Variants in CERS5 observed in about 807,000 individuals in gnomAD.
CERS5 encodes ceramide synthase 5.
Under a neutral mutation model 58.9 loss-of-function variants are expected in CERS5, and 37 were observed. That is an observed-to-expected ratio of 0.63 (90% CI 0.48 to 0.83). CERS5 has a LOEUF of 0.83. CERS5 is among the 40% of genes least tolerant of loss of function. The pLI, the probability that CERS5 is intolerant of heterozygous loss-of-function variation, is 0.00. For missense variants in CERS5, 398 were observed against 489.3 expected (o/e 0.81, Z 1.76); for synonymous variants, 147 against 177.8 (o/e 0.83, Z 1.38).
chr12:50,144,454 C>A, intron 1 of CERS5: 1 of 280,090 alleles, frequency 3.6e-6, no homozygotes, highest in Non-Finnish European at 6.7e-6. Context: ...GTAAGTAATT[C>A]AGTGAGATAA....
intron 3 of CERS5, among the ~76,000 whole-genome samples, chr12:50,142,351 G>A (rs1952015684): frequency 6.6e-6 from 1 of 152,044 alleles, no homozygotes; most frequent in Non-Finnish European, 1.5e-5. Context: ...TCAAGAGATC[G>A]AGACTATCCT....
At chr12:50,133,189 A>C in intron 9 of CERS5, 2 of 1,194,108 alleles carry the variant, frequency 1.7e-6, no homozygotes, top group South Asian at 3.1e-5. Flanking sequence ...GAGATCATCA[A>C]TATCTAGGCC....
intron 1 of CERS5, among the ~76,000 whole-genome samples, chr12:50,151,235 A>C (rs1166936341): frequency 6.6e-6 from 1 of 152,082 alleles, no homozygotes; most frequent in Admixed American, 6.6e-5. Flanking sequence ...GTTCTTGCCA[A>C]AGTTGTCAAT....
In CERS5 at chr12:50,167,310, C is replaced by T. The variant is rs900655896; in HGVS notation, c.-13G>A. Reference sequence around the variant, plus strand: ...CTGCTGTCGCCATCTTACGCCCACCCCGAAGCCACCGCCGCCACAAGCGTC... The same window carrying T: ...CTGCTGTCGCCATCTTACGCCCACCTCGAAGCCACCGCCGCCACAAGCGTC... On this transcript the variant is annotated 5_prime_UTR_variant, in exon 1 of 10. Coordinates refer to ENST00000317551, the MANE Select transcript of CERS5 (RefSeq NM_147190.5). The T allele has an allele frequency of 1.4e-6, 2 of 1,472,606 alleles. No homozygotes were observed. Among genetic ancestry groups the T allele is most frequent in the Non-Finnish European group, 8.9e-7 (1 of 1,118,816 alleles). The allele number at this position is 1,472,606 out of a possible 1,614,324, so 91.2% of individuals were successfully genotyped here. A position where few individuals can be genotyped will look rare whatever the true frequency, so the allele number is the denominator to read the frequency against.
intron 9 of CERS5, chr12:50,133,424 T>C: frequency 9.9e-7 from 1 of 1,006,860 alleles, no homozygotes; most frequent in Non-Finnish European, 1.2e-6. Context: ...CTTAGGACAC[T>C]TGCCTCATAC....
chr12:50,158,299 A>G (rs948224746), intron 1 of CERS5, among the ~76,000 whole-genome samples: 1 of 152,178 alleles, frequency 6.6e-6, no homozygotes, highest in Non-Finnish European at 1.5e-5. Context: ...AAATAGAAAC[A>G]CAAACACACA....
intron 9 of CERS5, among the ~76,000 whole-genome samples, chr12:50,131,606 C>A (rs1447918938): frequency 6.7e-6 from 1 of 150,294 alleles, no homozygotes; most frequent in Admixed American, 6.6e-5. Context: ...TCAGCATCCC[C>A]AAGATACACA....
intron 1 of CERS5, chr12:50,154,079 G>A (rs1938298819): frequency 8.0e-6 from 2 of 250,640 alleles, no homozygotes; most frequent in Admixed American, 5.7e-5. Context: ...GCTACTTGTG[G>A]CTGGGCGTGG....
At chr12:50,130,742 G>C in intron 9 of CERS5, 48 bp from the exon 10 acceptor site, 1 of 1,518,604 alleles carries the variant, frequency 6.6e-7, no homozygotes, top group Non-Finnish European at 8.9e-7. Flanking sequence ...AGAACTGTAA[G>C]ACACCTAAGC....
At chr12:50,132,138 G>A (rs1360123315) in intron 9 of CERS5, among the ~76,000 whole-genome samples, 1 of 149,222 alleles carries the variant, frequency 6.7e-6, no homozygotes, top group Non-Finnish European at 1.5e-5. Flanking sequence ...GGTGGCTTAC[G>A]CCTGTAATCC....
rs189346083 is a variant in CERS5 at position 50,139,075 on chromosome 12, T to C, written c.493-458A>G. ...TGTCTTATTATCCTTTCAATGACTATAGGATCTGTAGTGATAACCCTTTCC... is the reference window on the plus strand; with the variant it reads ...TGTCTTATTATCCTTTCAATGACTACAGGATCTGTAGTGATAACCCTTTCC... On this transcript the variant is annotated intron_variant, in intron 4 of 9. Coordinates refer to ENST00000317551, the MANE Select transcript of CERS5 (RefSeq NM_147190.5). 4.6e-3 allele frequency among the ~76,000 whole-genome samples: 698 copies of C among 152,380 alleles called. 5 individuals are homozygous for C. In the Middle Eastern group the frequency reaches 0.054, roughly 12 times the overall value.
Position 50,138,458 on chromosome 12 carries a change from C to T in CERS5, c.543+109G>A, listed in dbSNP as rs1300941222. ...CTTAAAGGGACTCAGTCCCTAATCC[C>T]TCAATCCCAAGGAAACGCACCATCT... On this transcript the variant is annotated intron_variant, in intron 5 of 9. Coordinates refer to ENST00000317551, the MANE Select transcript of CERS5 (RefSeq NM_147190.5). 3 of 932,208 alleles carry T rather than the reference C, an allele frequency of 3.2e-6. No homozygotes were observed. In the East Asian group the frequency reaches 7.2e-5, roughly 22 times the overall value. 57.7% of individuals were successfully genotyped at this position (932,208 alleles called of 1,614,324 possible).
chr12:50,147,538 G>C (rs1490266474), intron 1 of CERS5: 1 of 151,922 alleles, frequency 6.6e-6, no homozygotes, highest in East Asian at 1.9e-4. Flanking sequence ...GACCCTTTCA[G>C]TAGGTCTACA....
At chr12:50,135,676 G>T in intron 8 of CERS5, 56 bp downstream of exon 8, 1 of 1,252,966 alleles carries the variant, frequency 8.0e-7, no homozygotes, top group Non-Finnish European at 1.2e-6. Flanking sequence ...ATGAGAATTG[G>T]CAAAAAGGTA....
In CERS5 at chr12:50,130,567, C is replaced by T; in HGVS notation, c.1157G>A (p.Gly386Asp). The T allele has an allele frequency of 1.2e-6, 2 of 1,609,700 alleles. No individual in the cohort carries two copies. Among genetic ancestry groups the T allele is most frequent in the Non-Finnish European group, 1.7e-6 (2 of 1,176,370 alleles). Residue 386 changes from glycine to aspartate, a missense_variant, in exon 10 of 10, where the codon GGC becomes GAC. Gly to Asp is a moderately conservative substitution (Grantham distance 94). Coordinates refer to ENST00000317551, the MANE Select transcript of CERS5 (RefSeq NM_147190.5). ...GANRVNGHMG[G>D]SYWAEE ...ACCTTACTCTTCAGCCCAGTAGCTG[C>T]CTCCCATGTGACCATTCACCCGATT...
chr12:50,150,530 A>G (rs989889066), intron 1 of CERS5, among the ~76,000 whole-genome samples: 5 of 152,168 alleles, frequency 3.3e-5, no homozygotes, highest in African/African-American at 1.2e-4. Context: ...GAAAGAACAG[A>G]ATATACGAAT....
At chr12:50,162,758 C>G (rs1939446697) in intron 1 of CERS5, among the ~76,000 whole-genome samples, 1 of 151,878 alleles carries the variant, frequency 6.6e-6, no homozygotes, top group African/African-American at 2.4e-5. Flanking sequence ...CACATGCCAT[C>G]ACGCCCAGCT....
At chr12:50,141,207 C>T (rs12369104) in intron 4 of CERS5, among the ~76,000 whole-genome samples, 49,834 of 151,786 alleles carry the variant, frequency 0.33, 8,407 homozygotes, top group South Asian at 0.39. Flanking sequence ...CACGCCACCA[C>T]GCCAGGCTAA....
chr12:50,163,638 C>T (rs1024949370), intron 1 of CERS5, among the ~76,000 whole-genome samples: 1 of 152,098 alleles, frequency 6.6e-6, no homozygotes, highest in Non-Finnish European at 1.5e-5. Flanking sequence ...CAGGCCTCTA[C>T]AAAAATTTAT....
Sources: gnomAD v4.1 joint callset for allele counts (sites outside exome capture counted in the v4.1 genomes callset) on GRCh38, gnomAD v4.1.1 for gene constraint, MANE v1.5 for transcripts, NCBI Gene and HGNC (gene_info 2026-07-23, HGNC 2026-07-21) for gene names.